The following ADGRV1 variants were observed in gnomAD, a reference collection of about 807,000 sequenced individuals.
ADGRV1 encodes G-protein coupled receptor 98.
Under a neutral mutation model 596.2 loss-of-function variants are expected in ADGRV1, and 359 were observed. The ratio of observed to expected loss-of-function variants is 0.60; its 90% confidence interval spans 0.55 to 0.66. The LOEUF is 0.66. Ranked by LOEUF, ADGRV1 falls within the 30% of genes least tolerant of loss-of-function variation. The pLI, the probability that ADGRV1 is intolerant of heterozygous loss-of-function variation, is 0.00. For missense variants in ADGRV1, 7,274 were observed against 7,575.6 expected (o/e 0.96, Z 1.48); for synonymous variants, 2,681 against 2,679.2 (o/e 1.00, Z -0.02).
chr5:91,146,330 A>G (rs1209366133), intron 87 of ADGRV1, among the ~76,000 whole-genome samples: 1 of 152,234 alleles, frequency 6.6e-6, no homozygotes, highest in Non-Finnish European at 1.5e-5. Context: ...TCCTTTGTAG[A>G]GACCATGAAT....
chr5:90,810,450 T>G lies in ADGRV1; in HGVS notation c.15190T>G (p.Phe5064Val), dbSNP rs753576727. The change falls in exon 74 of 90, where the codon TTT (phenylalanine) becomes GTT (valine). Residue 5064 changes from phenylalanine (F) to valine (V), a missense_variant. Phe to Val is a conservative substitution (Grantham distance 50, BLOSUM62 -1). Around this residue, in one of 5 missense-constraint regions of ADGRV1, gnomAD observed 1,874 missense variants for 1,970.2 expected, o/e 0.95. Transcript: ENST00000405460. ...DFEPVQNGELFFQKFQTEVDF... is the reference protein window; with the variant it reads ...DFEPVQNGELVFQKFQTEVDF... ...TGAGCCTGTTCAGAATGGGGAACTG[T>G]TTTTTCAAAAATTCCAAACTGAGGT... 3 of 1,613,888 alleles carry G rather than the reference T, an allele frequency of 1.9e-6. No individual in the cohort carries two copies. Among genetic ancestry groups the G allele is most frequent in the Admixed American group, 1.7e-5 (1 of 60,006 alleles).
intron 1 of ADGRV1, among the ~76,000 whole-genome samples, chr5:90,576,848 C>T (rs887818991): frequency 6.6e-6 from 1 of 152,160 alleles, no homozygotes; most frequent in African/African-American, 2.4e-5. Context: ...TTTTGATTTG[C>T]ATTTCTCTGA....
In ADGRV1 at chr5:90,896,267, G is replaced by GTTTTTT. The variant is rs547252109; in HGVS notation, c.17856+32426_17856+32431dup. 2.4e-4 allele frequency among the ~76,000 whole-genome samples: 20 copies of GTTTTTT among 84,878 alleles called. 1 individual carries two copies. Among genetic ancestry groups the GTTTTTT allele is most frequent in the Non-Finnish European group, 3.1e-4 (15 of 48,238 alleles). The allele number at this position is 84,878 out of a possible 152,430, so 55.7% of individuals were successfully genotyped here. ...AAATCTGATATTACGGTGACCAGTGGTTTTTTTTTTTTTTTTTTTTTGAGA... is the reference window on the plus strand; with the variant it reads ...AAATCTGATATTACGGTGACCAGTGGTTTTTTTTTTTTTTTTTTTTTTTTTTTGAGA... On this transcript the variant is annotated intron_variant, in intron 83 of 89. Coordinates refer to ENST00000405460, the MANE Select transcript of ADGRV1 (RefSeq NM_032119.4).
chr5:90,886,262 A>T (rs1770272641), intron 83 of ADGRV1, among the ~76,000 whole-genome samples: 2 of 152,070 alleles, frequency 1.3e-5, no homozygotes, highest in Non-Finnish European at 2.9e-5. Context: ...AATTATATAG[A>T]TCACCCACTC....
chr5:90,779,167 A>G (rs1344960266), intron 64 of ADGRV1, 70 bp downstream of exon 64: 1 of 896,130 alleles, frequency 1.1e-6, no homozygotes, highest in Non-Finnish European at 1.8e-6. Context: ...TCTATTGTGT[A>G]GAGATTAATA....
At chr5:90,962,959 GAATT>G (rs1334256933) in intron 83 of ADGRV1, among the ~76,000 whole-genome samples, 1 of 152,030 alleles carries the variant, frequency 6.6e-6, no homozygotes, top group Non-Finnish European at 1.5e-5. Flanking sequence ...AAAAAGAAAA[GAATT>G]ATTTAAGTTA....
At chr5:90,759,344 C>A in intron 57 of ADGRV1, 65 bp from the exon 58 acceptor site, 1 of 1,193,836 alleles carries the variant, frequency 8.4e-7, no homozygotes, top group African/African-American at 1.5e-5. Context: ...TATTTCTTTC[C>A]TCATTTCCTA....
intron 1 of ADGRV1, among the ~76,000 whole-genome samples, chr5:90,564,696 G>T (rs1270164579): frequency 2.3e-4 from 6 of 26,424 alleles, no homozygotes; most frequent in Non-Finnish European, 4.4e-4. Flanking sequence ...GCGCGATCTC[G>T]GCTCACTGCA....
chr5:90,644,040 T>G (rs1025119937), intron 14 of ADGRV1, 57 bp downstream of exon 14: 3 of 1,229,062 alleles, frequency 2.4e-6, no homozygotes, highest in South Asian at 4.1e-5. Context: ...AAATATAATT[T>G]TTTTAGTTAT....
chr5:90,708,926 G>A lies in ADGRV1; in HGVS notation c.8824+17G>A. 1 of 1,549,722 alleles carries A rather than the reference G, an allele frequency of 6.5e-7. No homozygotes were observed. On this transcript the variant is annotated intron_variant, in intron 39 of 89. Coordinates refer to ENST00000405460, the MANE Select transcript of ADGRV1 (RefSeq NM_032119.4). ...CCAGACTAGGTATGAGGGGTTTCTTGTTTGTTTCTTTTTGCTCACTTCAAA... is the reference window on the plus strand; with the variant it reads ...CCAGACTAGGTATGAGGGGTTTCTTATTTGTTTCTTTTTGCTCACTTCAAA...
intron 50 of ADGRV1, among the ~76,000 whole-genome samples, chr5:90,736,547 A>G (rs575939609): frequency 6.6e-5 from 10 of 152,032 alleles, no homozygotes; most frequent in Admixed American, 3.9e-4. Flanking sequence ...AAGGATTGGT[A>G]TTTGCTCTTG....
At chr5:90,739,978 TA>T (rs1303458679) in intron 50 of ADGRV1, among the ~76,000 whole-genome samples, 3 of 151,954 alleles carry the variant, frequency 2.0e-5, no homozygotes, top group Non-Finnish European at 4.4e-5. Context: ...GGCAAGGGCT[TA>T]AGGAGAGCCC....
intron 21 of ADGRV1, among the ~76,000 whole-genome samples, chr5:90,662,295 G>A (rs527981480): frequency 3.4e-5 from 5 of 147,650 alleles, no homozygotes; most frequent in East Asian, 4.1e-4. Context: ...CCGGGTTCAC[G>A]CCATTCTCCT....
At chr5:91,109,155 C>T (rs1792149287) in intron 87 of ADGRV1, among the ~76,000 whole-genome samples, 1 of 152,174 alleles carries the variant, frequency 6.6e-6, no homozygotes, top group East Asian at 1.9e-4. Flanking sequence ...GAATACTCTT[C>T]TTTAAACGAT....
At chr5:90,791,377 T>G (rs1011897678) in intron 70 of ADGRV1, 31 bp downstream of exon 70, 1 of 1,472,430 alleles carries the variant, frequency 6.8e-7, no homozygotes, top group Non-Finnish European at 9.2e-7. Context: ...TTCCTGATCA[T>G]TCCAATAAAA....
chr5:90,739,515 T>C (rs1299924268), intron 50 of ADGRV1, among the ~76,000 whole-genome samples: 1 of 152,194 alleles, frequency 6.6e-6, no homozygotes, highest in Non-Finnish European at 1.5e-5. Context: ...AAGTAGACTT[T>C]GTTATCATGT....
In ADGRV1 at chr5:90,628,841, C is replaced by CT. The variant is rs1244085130; in HGVS notation, c.1509+11dup. ...TGAGCGAGCCAGCGGAGGTATAACC[C>CT]TTGTTATGCTTTATGCTTGTTAATA... On this transcript the variant is annotated intron_variant, in intron 8 of 89. Transcript: ENST00000405460. 6.2e-7 allele frequency: 1 copy of CT among 1,610,954 alleles called. No individual in the cohort carries two copies. Among genetic ancestry groups the CT allele is most frequent in the Non-Finnish European group, 8.5e-7 (1 of 1,177,972 alleles).
intron 25 of ADGRV1, among the ~76,000 whole-genome samples, chr5:90,677,034 A>C (rs900821272): frequency 6.6e-6 from 1 of 152,150 alleles, no homozygotes; most frequent in African/African-American, 2.4e-5. Flanking sequence ...AGTGTTATGG[A>C]ATACATACGA....
At chr5:91,060,398 A>ATTTTTTTTTTATTTATTTATT (rs1787315775) in intron 85 of ADGRV1, among the ~76,000 whole-genome samples, 6 of 60,440 alleles carry the variant, frequency 9.9e-5, no homozygotes, top group African/African-American at 2.3e-4. Context: ...ATATATATAT[A>ATTTTTTTTTTATTTATTTATT]TTTTTTTTTT....
Sources: gnomAD v4.1 joint callset for allele counts (sites outside exome capture counted in the v4.1 genomes callset) on GRCh38, gnomAD v4.1.1 for gene constraint, gnomAD v4.1.1 regional missense constraint, MANE v1.5 for transcripts, NCBI Gene and HGNC (gene_info 2026-07-23, HGNC 2026-07-21) for gene names.